The following ZMIZ1 variants were observed in gnomAD, a reference collection of about 807,000 sequenced individuals.
The protein encoded by ZMIZ1 is zinc finger MIZ-type containing 1.
A neutral mutation model predicts 113.9 loss-of-function variants in ZMIZ1; 17 were observed. That is an observed-to-expected ratio of 0.15 (90% CI 0.10 to 0.22). The LOEUF is 0.22. ZMIZ1 is among the 10% of genes least tolerant of loss of function. ZMIZ1 has a pLI of 1.00. For synonymous variants in ZMIZ1, 607 were observed against 603.1 expected (o/e 1.01, Z -0.09); for missense variants, 1,059 against 1,477.8 (o/e 0.72, Z 4.65).
chr10:79,101,332 G>C (rs1843357467), intron 1 of ZMIZ1, among the ~76,000 whole-genome samples: 1 of 152,172 alleles, frequency 6.6e-6, no homozygotes, highest in Admixed American at 6.5e-5. Context: ...GTCTGGAAGT[G>C]AGGGAAAAAC....
intron 1 of ZMIZ1, among the ~76,000 whole-genome samples, chr10:79,103,617 G>A (rs767920169): frequency 1.5e-4 from 23 of 152,272 alleles, no homozygotes; most frequent in Non-Finnish European, 3.1e-4. Flanking sequence ...ATGCCAACCT[G>A]GACACAGGTT....
At chr10:79,205,837 T>C (rs185030758) in intron 5 of ZMIZ1, among the ~76,000 whole-genome samples, 1 of 152,274 alleles carries the variant, frequency 6.6e-6, no homozygotes, top group African/African-American at 2.4e-5. Flanking sequence ...GTAGCCATCA[T>C]TGTATTCCCA....
intron 4 of ZMIZ1, among the ~76,000 whole-genome samples, chr10:79,181,452 C>T (rs1336884810): frequency 1.3e-5 from 2 of 152,198 alleles, no homozygotes; most frequent in Non-Finnish European, 2.9e-5. Flanking sequence ...AGGAGCAACC[C>T]CAGCACCTCC....
chr10:79,247,522 T>G (rs1850281321), intron 7 of ZMIZ1, among the ~76,000 whole-genome samples: 1 of 152,122 alleles, frequency 6.6e-6, no homozygotes, highest in African/African-American at 2.4e-5. Context: ...ACCCTTTTCC[T>G]CCCTCTCAGT....
chr10:79,200,935 G>A (rs566507289), intron 4 of ZMIZ1, among the ~76,000 whole-genome samples: 4 of 152,170 alleles, frequency 2.6e-5, no homozygotes, highest in South Asian at 2.1e-4. Context: ...ACACACACAC[G>A]TGGGCCAAGC....
chr10:79,080,497 CG>C (rs1842622262), intron 1 of ZMIZ1, among the ~76,000 whole-genome samples: 2 of 151,848 alleles, frequency 1.3e-5, no homozygotes, highest in African/African-American at 4.8e-5. Flanking sequence ...TTAGTAGAGA[CG>C]GGGTTTTGCC....
rs556817088 is a variant in ZMIZ1 at position 79,265,275 on chromosome 10, G to A, written c.281-11906G>A. Among the ~76,000 whole-genome samples, 25 of 152,198 alleles carry A rather than the reference G, an allele frequency of 1.6e-4. 1 individual carries two copies. In the South Asian group the frequency reaches 4.4e-3, roughly 26 times the overall value. ...GAGAAGGCAGGACCTGCCCAGCACA[G>A]GGAAGCAGGTAGGGCAGGGTGAGCT... On this transcript the variant is annotated intron_variant, in intron 7 of 24. Coordinates refer to ENST00000334512, the MANE Select transcript of ZMIZ1 (RefSeq NM_020338.4).
At chr10:79,177,161 G>C (rs912773604) in intron 4 of ZMIZ1, among the ~76,000 whole-genome samples, 2 of 152,208 alleles carry the variant, frequency 1.3e-5, no homozygotes, top group Non-Finnish European at 2.9e-5. Flanking sequence ...AAAACATGAT[G>C]TTTCCTGTTG....
chr10:79,234,042 C>A (rs1188664141), intron 7 of ZMIZ1, among the ~76,000 whole-genome samples: 2 of 152,156 alleles, frequency 1.3e-5, no homozygotes, highest in Admixed American at 1.3e-4. Context: ...CTTCTAGGGA[C>A]CACATCATCT....
chr10:79,309,516 G>T (rs1376519598), intron 23 of ZMIZ1, among the ~76,000 whole-genome samples: 2 of 152,192 alleles, frequency 1.3e-5, no homozygotes, highest in Admixed American at 1.3e-4. Context: ...CAGCAGCACC[G>T]TTGCGAGGTC....
chr10:79,279,979 G>T (rs913310568), intron 8 of ZMIZ1, among the ~76,000 whole-genome samples: 3 of 147,794 alleles, frequency 2.0e-5, no homozygotes, highest in Non-Finnish European at 4.5e-5. Flanking sequence ...GAGGGAGAGG[G>T]GTATTATTAT....
intron 3 of ZMIZ1, among the ~76,000 whole-genome samples, chr10:79,153,649 C>A (rs1161675436): frequency 6.6e-6 from 1 of 152,238 alleles, no homozygotes; most frequent in Non-Finnish European, 1.5e-5. Context: ...GAGGTTGAAC[C>A]ATGCACTTGT....
At chr10:79,233,547 C>T (rs1849477063) in intron 7 of ZMIZ1, among the ~76,000 whole-genome samples, 1 of 152,230 alleles carries the variant, frequency 6.6e-6, no homozygotes, top group African/African-American at 2.4e-5. Flanking sequence ...CCCAGCTCTT[C>T]GTACCATCTC....
At chr10:79,130,418 G>A (rs911331228) in intron 2 of ZMIZ1, among the ~76,000 whole-genome samples, 2 of 152,194 alleles carry the variant, frequency 1.3e-5, no homozygotes, top group African/African-American at 4.8e-5. Context: ...ACCCTACCCA[G>A]TATACAGGGC....
At chr10:79,237,689 C>T (rs565819472) in intron 7 of ZMIZ1, among the ~76,000 whole-genome samples, 2 of 152,218 alleles carry the variant, frequency 1.3e-5, no homozygotes, top group East Asian at 1.9e-4. Flanking sequence ...CTCATCTTAA[C>T]GTGGTCATCT....
At chr10:79,310,356 A>T (rs927125541) in intron 23 of ZMIZ1, among the ~76,000 whole-genome samples, 1 of 152,156 alleles carries the variant, frequency 6.6e-6, no homozygotes, top group Admixed American at 6.5e-5. Context: ...CCAAGGCCCC[A>T]GCTGCTCCAC....
intron 7 of ZMIZ1, among the ~76,000 whole-genome samples, chr10:79,232,043 T>C (rs1006832268): frequency 3.9e-5 from 6 of 152,046 alleles, no homozygotes; most frequent in Admixed American, 6.6e-5. Context: ...CTAGTGGAGG[T>C]TGGCCACCTT....
intron 1 of ZMIZ1, among the ~76,000 whole-genome samples, chr10:79,081,124 C>T (rs1167925086): frequency 6.6e-6 from 1 of 152,162 alleles, no homozygotes. Flanking sequence ...AGTTCCACAT[C>T]GTATGGAGCC....
chr10:79,185,348 T>C (rs908704798), intron 4 of ZMIZ1, among the ~76,000 whole-genome samples: 1 of 152,240 alleles, frequency 6.6e-6, no homozygotes, highest in Non-Finnish European at 1.5e-5. Flanking sequence ...AAATGCAATC[T>C]GCCCCTGACC....
Sources: allele counts gnomAD v4.1 joint callset (sites outside exome capture counted in the v4.1 genomes callset), GRCh38; gene constraint gnomAD v4.1.1; transcripts MANE v1.5; gene names NCBI Gene and HGNC (gene_info 2026-07-23, HGNC 2026-07-21).